PTPRD: variants seen among roughly 807,000 people sequenced by gnomAD.
PTPRD encodes the protein protein tyrosine phosphatase receptor type D, also known as receptor-type tyrosine-protein phosphatase delta.
Under a neutral mutation model 214.5 loss-of-function variants are expected in PTPRD, and 34 were observed. That is an observed-to-expected ratio of 0.16 (90% CI 0.12 to 0.21). PTPRD has a LOEUF of 0.21. PTPRD is among the 10% of genes least tolerant of loss of function. The probability of loss-of-function intolerance (pLI) is 1.00; values close to 1 mark genes in which losing one functional copy is unlikely to be tolerated. For missense variants in PTPRD, 2,545 were observed against 2,398.7 expected (o/e 1.06, Z -1.27); for synonymous variants, 1,128 against 845.7 (o/e 1.33, Z -5.79).
rs186233259 is a variant in PTPRD at position 10,051,943 on chromosome 9, C to T, written c.-544-18153G>A. Among the ~76,000 whole-genome samples, 28 of 152,128 alleles carry T rather than the reference C, an allele frequency of 1.8e-4. No individual in the cohort carries two copies. In the East Asian group the frequency reaches 5.4e-3, roughly 30 times the overall value. On this transcript the variant is annotated intron_variant, in intron 3 of 45. Coordinates refer to ENST00000381196, the MANE Select transcript of PTPRD (RefSeq NM_002839.4). The stretch of plus-strand genomic sequence containing the variant: ...TACTTAATTAATTATTTAGGCTCCT[C>T]TCTTTTTGTTTTTGTTTTTGAGACA...
chr9:8,497,123 A>T, intron 26 of PTPRD, 119 bp downstream of exon 26: 1 of 855,700 alleles, frequency 1.2e-6, no homozygotes, highest in Non-Finnish European at 1.8e-6. Flanking sequence ...ACTTAAAAAT[A>T]ATTTGTTAGT....
At chr9:8,865,984 C>CA (rs1256215842) in intron 11 of PTPRD, among the ~76,000 whole-genome samples, 1 of 152,226 alleles carries the variant, frequency 6.6e-6, no homozygotes, top group Non-Finnish European at 1.5e-5. Flanking sequence ...GTTCAGTGGA[C>CA]AAAAAATCCT....
chr9:9,617,931 G>C (rs2094983694), intron 7 of PTPRD, among the ~76,000 whole-genome samples: 1 of 151,298 alleles, frequency 6.6e-6, no homozygotes, highest in Non-Finnish European at 1.5e-5. Flanking sequence ...AATTAGCCGG[G>C]CATGGTGGCG....
intron 9 of PTPRD, among the ~76,000 whole-genome samples, chr9:9,263,128 C>T (rs2099980863): frequency 6.6e-6 from 1 of 151,612 alleles, no homozygotes; most frequent in South Asian, 2.1e-4. Flanking sequence ...GTTCTGGGGG[C>T]TCTGTTACAT....
chr9:8,682,399 T>C (rs2097568468), intron 12 of PTPRD, among the ~76,000 whole-genome samples: 1 of 152,134 alleles, frequency 6.6e-6, no homozygotes, highest in African/African-American at 2.4e-5. Context: ...AAAACATAAA[T>C]GTTTGGGGGG....
chr9:10,377,544 G>GT (rs1039860671), intron 2 of PTPRD, among the ~76,000 whole-genome samples: 11 of 151,112 alleles, frequency 7.3e-5, no homozygotes, highest in East Asian at 3.9e-4. Flanking sequence ...GGCGATGTTT[G>GT]TTTTTTTTGT....
At chr9:9,454,537 G>A (rs1481660488) in intron 8 of PTPRD, among the ~76,000 whole-genome samples, 1 of 151,758 alleles carries the variant, frequency 6.6e-6, no homozygotes, top group Admixed American at 6.6e-5. Flanking sequence ...AGAAATTCAA[G>A]TGTTCCCATT....
chr9:9,948,526 G>C (rs1260102629), intron 4 of PTPRD, among the ~76,000 whole-genome samples: 1 of 152,122 alleles, frequency 6.6e-6, no homozygotes, highest in East Asian at 1.9e-4. Context: ...AAAATGTAGA[G>C]ATAAATTAAA....
At chr9:10,002,850 T>C (rs775946381) in intron 4 of PTPRD, among the ~76,000 whole-genome samples, 1 of 151,676 alleles carries the variant, frequency 6.6e-6, no homozygotes. Context: ...CTGTAGAAGA[T>C]ATTTCATACA....
At chr9:10,178,605 G>C (rs1593265867) in intron 3 of PTPRD, among the ~76,000 whole-genome samples, 1 of 151,966 alleles carries the variant, frequency 6.6e-6, no homozygotes. Context: ...TATTAAGTTG[G>C]AAGATCAAAT....
At chr9:9,809,772 G>T (rs1449195341) in intron 5 of PTPRD, among the ~76,000 whole-genome samples, 2 of 152,168 alleles carry the variant, frequency 1.3e-5, no homozygotes, top group Non-Finnish European at 2.9e-5. Flanking sequence ...GACCAAGACA[G>T]GTGACATTCC....
chr9:8,892,525 G>A (rs1222131326), intron 11 of PTPRD, among the ~76,000 whole-genome samples: 5 of 149,768 alleles, frequency 3.3e-5, no homozygotes, highest in Non-Finnish European at 7.4e-5. Flanking sequence ...ATATATATAT[G>A]TGTGTGTATA....
At chr9:10,200,001 T>C (rs2099413235) in intron 3 of PTPRD, among the ~76,000 whole-genome samples, 1 of 151,920 alleles carries the variant, frequency 6.6e-6, no homozygotes, top group Non-Finnish European at 1.5e-5. Context: ...TAAAATACAA[T>C]TATTTATCCT....
chr9:10,175,529 G>C (rs182475635), intron 3 of PTPRD, among the ~76,000 whole-genome samples: 1 of 151,990 alleles, frequency 6.6e-6, no homozygotes, highest in South Asian at 2.1e-4. Context: ...TGAACAGAAA[G>C]TGATGGCCTA....
intron 10 of PTPRD, among the ~76,000 whole-genome samples, chr9:9,071,356 G>C (rs1330549496): frequency 1.3e-5 from 2 of 152,256 alleles, no homozygotes; most frequent in South Asian, 2.1e-4. Flanking sequence ...GGTTGATTTT[G>C]AGTTAGTCAA....
chr9:9,258,622 G>C (rs1569565884), intron 9 of PTPRD, among the ~76,000 whole-genome samples: 1 of 151,780 alleles, frequency 6.6e-6, no homozygotes, highest in East Asian at 2.0e-4. Flanking sequence ...AATTTGGGGA[G>C]TTTTTCTAAC....
chr9:9,225,579 C>T (rs189333785), intron 9 of PTPRD, among the ~76,000 whole-genome samples: 3 of 152,130 alleles, frequency 2.0e-5, no homozygotes, highest in Admixed American at 1.3e-4. Flanking sequence ...TTGAACTAAA[C>T]GTGGGTGCTT....
chr9:9,394,406 T>C (rs2066979084), intron 9 of PTPRD, among the ~76,000 whole-genome samples: 1 of 152,204 alleles, frequency 6.6e-6, no homozygotes. Context: ...CAGAAGTGTT[T>C]GTTGAATACA....
chr9:9,488,942 G>C (rs939503482), intron 8 of PTPRD, among the ~76,000 whole-genome samples: 1 of 152,102 alleles, frequency 6.6e-6, no homozygotes, highest in Non-Finnish European at 1.5e-5. Context: ...ATTGCTGATT[G>C]CTGCTTCTGA....
Sources: allele counts gnomAD v4.1 joint callset (sites outside exome capture counted in the v4.1 genomes callset), GRCh38; gene constraint gnomAD v4.1.1; transcripts MANE v1.5; gene names NCBI Gene and HGNC (gene_info 2026-07-23, HGNC 2026-07-21).